Variants in KIF16B observed in about 807,000 individuals in gnomAD.
KIF16B encodes kinesin family member 16B.
A neutral mutation model predicts 156.3 loss-of-function variants in KIF16B; 98 were observed. That is an observed-to-expected ratio of 0.63 (90% CI 0.53 to 0.74). The LOEUF (loss-of-function observed/expected upper bound fraction) is 0.74, where lower values mean the gene tolerates loss of function less well. Among genes scored for constraint, KIF16B ranks in the 30% least tolerant of loss-of-function variants. The pLI, the probability that KIF16B is intolerant of heterozygous loss-of-function variation, is 0.00. For synonymous variants in KIF16B, 564 were observed against 583.7 expected (o/e 0.97, Z 0.49); for missense variants, 1,421 against 1,606.5 (o/e 0.88, Z 1.97).
intron 22 of KIF16B, among the ~76,000 whole-genome samples, chr20:16,363,356 T>TC (rs1392533511): frequency 6.6e-6 from 1 of 152,086 alleles, no homozygotes; most frequent in Non-Finnish European, 1.5e-5. Context: ...ACTTAAAAGG[T>TC]CCTAGGGCAT....
At chr20:16,449,356 G>A (rs141586938) in intron 12 of KIF16B, among the ~76,000 whole-genome samples, 191 of 152,160 alleles carry the variant, frequency 1.3e-3, no homozygotes, top group African/African-American at 4.4e-3. Context: ...AAAATGTTAC[G>A]CCAATGAAAG....
Position 16,374,245 on chromosome 20 carries a change from C to A in KIF16B, c.3350+12G>T. On this transcript the variant is annotated intron_variant, in intron 20 of 25. Coordinates refer to ENST00000354981, the MANE Select transcript of KIF16B (RefSeq NM_024704.5). ...CAAATGAGAAGCCTGGAATCACTTT[C>A]ATGTCCAGTACCTGGCATCCATGAG... 1 of 1,532,742 alleles carries A rather than the reference C, an allele frequency of 6.5e-7. No individual in the cohort carries two copies. Among genetic ancestry groups the A allele is most frequent in the East Asian group, 2.3e-5 (1 of 43,276 alleles). 94.9% of individuals were successfully genotyped at this position (1,532,742 alleles called of 1,614,324 possible).
At chr20:16,476,844 C>T (rs1049294054) in intron 12 of KIF16B, among the ~76,000 whole-genome samples, 3 of 152,056 alleles carry the variant, frequency 2.0e-5, no homozygotes, top group Non-Finnish European at 4.4e-5. Context: ...CTGCAACCTC[C>T]GCCTCCCAGG....
At chr20:16,301,848 C>T (rs2063476797) in intron 25 of KIF16B, among the ~76,000 whole-genome samples, 2 of 152,080 alleles carry the variant, frequency 1.3e-5, no homozygotes, top group South Asian at 4.1e-4. Flanking sequence ...TGGGGTTTCA[C>T]CATGTTGGCC....
At chr20:16,527,863 A>T (rs1446959144) in intron 2 of KIF16B, among the ~76,000 whole-genome samples, 1 of 152,180 alleles carries the variant, frequency 6.6e-6, no homozygotes, top group Admixed American at 6.5e-5. Flanking sequence ...CAAAGGAGAA[A>T]CTTGCCATCT....
intron 17 of KIF16B, among the ~76,000 whole-genome samples, chr20:16,399,519 G>A (rs1442221777): frequency 2.0e-5 from 3 of 152,118 alleles, no homozygotes; most frequent in Non-Finnish European, 4.4e-5. Flanking sequence ...GATGTAAAAC[G>A]GCAGGGCTGT....
intron 12 of KIF16B, among the ~76,000 whole-genome samples, chr20:16,481,097 G>A (rs1488574273): frequency 1.3e-5 from 2 of 152,110 alleles, no homozygotes; most frequent in Non-Finnish European, 2.9e-5. Context: ...TAGAGATTTG[G>A]GGGTATCACT....
At chr20:16,287,298 A>T (rs1010978986) in intron 25 of KIF16B, among the ~76,000 whole-genome samples, 3 of 152,360 alleles carry the variant, frequency 2.0e-5, no homozygotes, top group African/African-American at 7.2e-5. Flanking sequence ...TAATATTTCT[A>T]ATGAATAATT....
At chr20:16,392,238 C>A (rs2146173451) in intron 17 of KIF16B, among the ~76,000 whole-genome samples, 1 of 152,210 alleles carries the variant, frequency 6.6e-6, no homozygotes, top group East Asian at 1.9e-4. Flanking sequence ...ACACCTTGGA[C>A]AAATCAGCAA....
At chr20:16,457,993 G>A (rs922862497) in intron 12 of KIF16B, among the ~76,000 whole-genome samples, 6 of 152,224 alleles carry the variant, frequency 3.9e-5, no homozygotes, top group African/African-American at 1.4e-4. Context: ...AGGTGACAGA[G>A]AGAGATAATT....
chr20:16,387,049 T>C (rs1032268484), intron 17 of KIF16B, among the ~76,000 whole-genome samples: 1 of 152,144 alleles, frequency 6.6e-6, no homozygotes, highest in Non-Finnish European at 1.5e-5. Context: ...AAAGCAGACA[T>C]GGGATTCAAA....
chr20:16,272,938 G>T lies in KIF16B; in HGVS notation c.*315C>A. On this transcript the variant is annotated 3_prime_UTR_variant, in exon 26 of 26. Coordinates refer to ENST00000354981, the MANE Select transcript of KIF16B (RefSeq NM_024704.5). ...GGCTGGGCTCAGGGAACCCACGATGGCCCAACCACATCTATCTTGCCACAG... is the reference window on the plus strand; with the variant it reads ...GGCTGGGCTCAGGGAACCCACGATGTCCCAACCACATCTATCTTGCCACAG... The T allele has an allele frequency of 4.4e-6, 1 of 227,412 alleles. No individual in the cohort carries two copies. The highest frequency in any genetic ancestry group is 1.5e-3 in the Middle Eastern group (1 of 676). The allele number at this position is 227,412 out of a possible 1,614,324, so 14.1% of individuals were successfully genotyped here.
At position 16,379,244 on chromosome 20, in the gene KIF16B, G is replaced by A. The variant is rs2065028489; in HGVS notation, c.2758C>T (p.Leu920=). The A allele has an allele frequency of 6.2e-7, 1 of 1,614,100 alleles. No individual in the cohort carries two copies. Among genetic ancestry groups the A allele is most frequent in the East Asian group, 2.2e-5 (1 of 44,870 alleles). Residue 920 remains leucine, a synonymous_variant, in exon 19 of 26, where the codon CTG becomes TTG. Coordinates refer to ENST00000354981, the MANE Select transcript of KIF16B (RefSeq NM_024704.5). The stretch of plus-strand genomic sequence containing the variant: ...AATGCTCTCTGCTTTTCTTCCAACA[G>A]AGTTGGCAAGTGATTCTGCAGGAGG... ...QYLLQNHLPT[L]LEEKQRAFEI... is the part of the protein sequence containing the mutation.
intron 23 of KIF16B, among the ~76,000 whole-genome samples, chr20:16,347,776 C>G (rs947020052): frequency 6.6e-6 from 1 of 152,280 alleles, no homozygotes; most frequent in Middle Eastern, 3.4e-3. Context: ...CCATTTGTCT[C>G]GGCCGTGCTA....
At chr20:16,352,345 T>C (rs1436548422) in intron 23 of KIF16B, among the ~76,000 whole-genome samples, 1 of 152,250 alleles carries the variant, frequency 6.6e-6, no homozygotes, top group African/African-American at 2.4e-5. Flanking sequence ...CCTCAGTTAT[T>C]TCATAAAAGA....
intron 7 of KIF16B, 76 bp downstream of exon 7, chr20:16,507,882 A>C: frequency 6.7e-7 from 1 of 1,485,002 alleles, no homozygotes; most frequent in Non-Finnish European, 9.3e-7. Context: ...TTCAACAATG[A>C]TCAGTCCTCA....
intron 17 of KIF16B, among the ~76,000 whole-genome samples, chr20:16,400,234 T>C (rs1040593055): frequency 6.6e-6 from 1 of 152,236 alleles, no homozygotes; most frequent in Admixed American, 6.5e-5. Flanking sequence ...TCTTTCTATA[T>C]TTTTAAACAC....
intron 15 of KIF16B, among the ~76,000 whole-genome samples, chr20:16,423,143 A>ATGGG (rs2066266987): frequency 6.6e-6 from 1 of 152,118 alleles, no homozygotes; most frequent in Non-Finnish European, 1.5e-5. Context: ...GTTATAATAA[A>ATGGG]TGGCATACCA....
At chr20:16,393,455 T>A (rs1053763733) in intron 17 of KIF16B, among the ~76,000 whole-genome samples, 1 of 152,234 alleles carries the variant, frequency 6.6e-6, no homozygotes. Context: ...CGGGAGTTGC[T>A]GGTGATGGTT....
Sources: gnomAD v4.1 joint callset for allele counts (sites outside exome capture counted in the v4.1 genomes callset) on GRCh38, gnomAD v4.1.1 for gene constraint, MANE v1.5 for transcripts, NCBI Gene and HGNC (gene_info 2026-07-23, HGNC 2026-07-21) for gene names.